Variants in CTPS1 observed in about 807,000 individuals in gnomAD.
CTPS1 encodes the protein CTP synthase 1, also known as CTP synthetase 1.
Under a neutral mutation model 80.5 loss-of-function variants are expected in CTPS1, and 25 were observed. The ratio of observed to expected loss-of-function variants is 0.31; its 90% CI spans 0.23 to 0.43. CTPS1 has a LOEUF of 0.43. Among genes scored for constraint, CTPS1 ranks in the 20% least tolerant of loss-of-function variants. The pLI, the probability that CTPS1 is intolerant of heterozygous loss-of-function variation, is 1.00. For missense variants in CTPS1, 442 were observed against 725.7 expected, an observed-to-expected ratio of 0.61 and a Z score of 4.49; for synonymous variants, 267 against 252.5, an observed-to-expected ratio of 1.06 and a Z score of -0.54.
At chr1:40,996,598 T>G (rs1370304540) in intron 8 of CTPS1, among the ~76,000 whole-genome samples, 1 of 152,216 alleles carries the variant, frequency 6.6e-6, no homozygotes, top group Non-Finnish European at 1.5e-5. Context: ...CTTAGAGCAA[T>G]GGGCAGGCCT....
At chr1:40,998,262 G>A (rs1174990250) in intron 9 of CTPS1, among the ~76,000 whole-genome samples, 1 of 152,068 alleles carries the variant, frequency 6.6e-6, no homozygotes, top group Non-Finnish European at 1.5e-5. Context: ...GCCAGGCATG[G>A]TGGCATGTGC....
Position 40,996,052 on chromosome 1 carries a change from A to G in CTPS1, c.856A>G (p.Lys286Glu). Residue 286 changes from lysine to glutamate, a missense_variant, in exon 8 of 19, where the codon AAA (lysine) becomes GAA (glutamate). Physicochemically the swap from Lys to Glu is moderately conservative, Grantham distance 56. Around this residue, in one of 4 missense-constraint regions of CTPS1, gnomAD observed 321 missense variants for 467.2 expected, o/e 0.69. Coordinates refer to ENST00000650070, the MANE Select transcript of CTPS1 (RefSeq NM_001905.4). ...RQPRKMLMKW[K>E]EMADRYDRLL... ...GCCAAGAAAAATGCTGATGAAATGG[A>G]AAGAGATGGCTGACAGGTTTGCCTG... 1.2e-6 allele frequency: 2 copies of G among 1,614,216 alleles called. No homozygotes were observed. Among genetic ancestry groups the G allele is most frequent in the Non-Finnish European group, 1.7e-6 (2 of 1,180,014 alleles).
In CTPS1 at chr1:40,983,550, T is replaced by C. The variant is rs1037104565; in HGVS notation, c.166+94T>C. 4.5e-6 allele frequency: 5 copies of C among 1,104,524 alleles called. No homozygotes were observed. The African/African-American group carries it at 7.9e-5, about 17-fold the overall frequency. The allele number at this position is 1,104,524 out of a possible 1,614,324, so 68.4% of individuals were successfully genotyped here. A position where few individuals can be genotyped will look rare whatever the true frequency, so the allele number is the denominator to read the frequency against. The stretch of plus-strand genomic sequence containing the variant: ...CACGGTTTGCATAACTTTTATTTTC[T>C]GCCTTCTAACAGGTCCCTTAATACA... On this transcript the variant is annotated intron_variant, in intron 2 of 18. Transcript: ENST00000650070.
At chr1:40,979,873 G>A (rs1487097569) in intron 1 of CTPS1, 44 bp downstream of exon 1, 1 of 152,188 alleles carries the variant, frequency 6.6e-6, no homozygotes, top group African/African-American at 2.4e-5. Context: ...GTTCTCCCGC[G>A]CAGGAGTCAG....
intron 7 of CTPS1, among the ~76,000 whole-genome samples, chr1:40,993,411 G>A (rs1642667429): frequency 6.6e-6 from 1 of 152,038 alleles, no homozygotes; most frequent in Non-Finnish European, 1.5e-5. Flanking sequence ...GTGCAGTGGT[G>A]CTGTCACAGC....
chr1:40,986,246 C>G (rs1479431703), intron 3 of CTPS1, among the ~76,000 whole-genome samples: 1 of 152,218 alleles, frequency 6.6e-6, no homozygotes, highest in Non-Finnish European at 1.5e-5. Flanking sequence ...CGGGGAGTCT[C>G]CCAAGAGAGG....
rs754165744 is a variant in CTPS1 at position 41,010,255 on chromosome 1, G to A, written c.*9+1G>A. ...AATAAATCATGACTGATCTTGTAGCGTAAGTGGTACTTTAAAGTTTTAGTT... is the reference window on the plus strand; with the variant it reads ...AATAAATCATGACTGATCTTGTAGCATAAGTGGTACTTTAAAGTTTTAGTT... On this transcript the variant is annotated splice_donor_variant, in intron 18 of 18. Coordinates refer to ENST00000650070, the MANE Select transcript of CTPS1 (RefSeq NM_001905.4). LOFTEE classifies it low-confidence loss of function (3UTR_SPLICE). 1.4e-5 allele frequency: 22 copies of A among 1,598,672 alleles called. No individual in the cohort carries two copies. The highest frequency in any genetic ancestry group is 1.7e-5 in the Admixed American group (1 of 59,514).
At chr1:41,004,733 A>G (rs948172979) in intron 12 of CTPS1, among the ~76,000 whole-genome samples, 1 of 152,212 alleles carries the variant, frequency 6.6e-6, no homozygotes, top group Admixed American at 6.5e-5. Flanking sequence ...ATTGAGTGAA[A>G]CAGTTGAGTA....
At chr1:40,994,624 T>C (rs1199719514) in intron 7 of CTPS1, among the ~76,000 whole-genome samples, 1 of 152,216 alleles carries the variant, frequency 6.6e-6, no homozygotes, top group African/African-American at 2.4e-5. Flanking sequence ...AGCAGTGATA[T>C]TGTATGCATT....
In CTPS1 at chr1:40,995,844, C is replaced by A. The variant is rs540327784; in HGVS notation, c.721-73C>A. The A allele has an allele frequency of 1.6e-5, 23 of 1,439,972 alleles. No individual in the cohort carries two copies. The African/African-American group carries it at 2.6e-4, about 16-fold the overall frequency. 89.2% of individuals were successfully genotyped at this position (1,439,972 alleles called of 1,614,324 possible). On this transcript the variant is annotated intron_variant, in intron 7 of 18. Transcript: ENST00000650070. Reference sequence around the variant, plus strand: ...CAAATACATAATATTTTTACAAGGTCACGTAGCTAGTAGGAGGCTGTAAGC... The same window carrying A: ...CAAATACATAATATTTTTACAAGGTAACGTAGCTAGTAGGAGGCTGTAAGC...
In CTPS1 at chr1:41,009,496, C is replaced by T. The variant is rs897972168; in HGVS notation, c.1598C>T (p.Pro533Leu). ...VQYHPEFLSR[P>L]IKPSPPYFGL... Reference sequence around the variant, plus strand: ...TACCACCCTGAGTTCCTGTCCAGGCCTATCAAGCCCTCCCCACCATACTTT... The same window carrying T: ...TACCACCCTGAGTTCCTGTCCAGGCTTATCAAGCCCTCCCCACCATACTTT... Residue 533 changes from proline (P) to leucine (L), a missense_variant, in exon 17 of 19, where the codon CCT becomes CTT. Around this residue, in one of 4 missense-constraint regions of CTPS1, gnomAD observed 321 missense variants for 467.2 expected, o/e 0.69. Coordinates refer to ENST00000650070, the MANE Select transcript of CTPS1 (RefSeq NM_001905.4). The T allele has an allele frequency of 1.2e-6, 2 of 1,613,182 alleles. No homozygotes were observed. Among genetic ancestry groups the T allele is most frequent in the Non-Finnish European group, 1.7e-6 (2 of 1,179,738 alleles).
chr1:40,983,180 G>T (rs2148385389), intron 1 of CTPS1, 98 bp from the exon 2 acceptor site: 1 of 975,910 alleles, frequency 1.0e-6, no homozygotes, highest in South Asian at 1.8e-5. Flanking sequence ...GCTTCAAGAG[G>T]GTTCATAGCT....
intron 12 of CTPS1, 128 bp from the exon 13 acceptor site, chr1:41,005,923 T>C: frequency 1.4e-6 from 1 of 738,436 alleles, no homozygotes; most frequent in Non-Finnish European, 2.4e-6. Context: ...AGGGGGATGC[T>C]ATCTTTAGTT....
intron 3 of CTPS1, among the ~76,000 whole-genome samples, chr1:40,985,495 C>G (rs999353710): frequency 2.0e-5 from 3 of 152,164 alleles, no homozygotes; most frequent in African/African-American, 7.2e-5. Context: ...ACTGGCACAG[C>G]TTCGCTTACA....
chr1:41,009,434 C>T lies in CTPS1; in HGVS notation c.1547-11C>T. On this transcript the variant is annotated splice_polypyrimidine_tract_variant and intron_variant, in intron 16 of 18. Transcript: ENST00000650070. ...CACAATGAAGCTGTTTCTTTTGAAT[C>T]TCTATTTCAGATCATCCCTTTTTTG... 6.4e-7 allele frequency: 1 copy of T among 1,550,854 alleles called. No individual in the cohort carries two copies. The highest frequency in any genetic ancestry group is 1.4e-5 in the African/African-American group (1 of 71,802).
At position 40,988,546 on chromosome 1, in the gene CTPS1, C is replaced by T. The variant is rs779818898; in HGVS notation, c.439-48C>T. On this transcript the variant is annotated intron_variant, in intron 4 of 18. Transcript: ENST00000650070. Reference sequence around the variant, plus strand: ...AACAGTTGTTAGAAAACTAAACTGCCAGAGAAGGGTTTAGTGCCTAACCTC... The same window carrying T: ...AACAGTTGTTAGAAAACTAAACTGCTAGAGAAGGGTTTAGTGCCTAACCTC... The T allele has an allele frequency of 7.9e-6, 10 of 1,273,514 alleles. 1 individual carries two copies. In the East Asian group the frequency reaches 1.9e-4, roughly 24 times the overall value. 78.9% of individuals were successfully genotyped at this position (1,273,514 alleles called of 1,614,324 possible).
chr1:41,003,989 G>T (rs1025208656), intron 12 of CTPS1: 7 of 152,274 alleles, frequency 4.6e-5, no homozygotes, highest in African/African-American at 1.7e-4. Flanking sequence ...AGGGTGGGCA[G>T]CTGGACTCCA....
intron 12 of CTPS1, among the ~76,000 whole-genome samples, chr1:41,005,454 C>CAA (rs559444655): frequency 1.5e-5 from 2 of 135,572 alleles, no homozygotes; most frequent in Non-Finnish European, 3.2e-5. Context: ...AATTCTGTCT[C>CAA]AAAAAAAAAA....
intron 2 of CTPS1, among the ~76,000 whole-genome samples, 170 bp from the exon 3 acceptor site, chr1:40,984,651 C>T (rs369866440): frequency 1.1e-4 from 17 of 152,282 alleles, no homozygotes; most frequent in African/African-American, 4.1e-4. Flanking sequence ...TAGAGAATAG[C>T]TGGTAATTTT....
Sources: gnomAD v4.1 joint callset for allele counts (sites outside exome capture counted in the v4.1 genomes callset) on GRCh38, gnomAD v4.1.1 for gene constraint, gnomAD v4.1.1 regional missense constraint, MANE v1.5 for transcripts, NCBI Gene and HGNC (gene_info 2026-07-23, HGNC 2026-07-21) for gene names.